SYT9: variants seen among roughly 807,000 people sequenced by gnomAD.
SYT9 encodes synaptotagmin 9.
Under a neutral mutation model 48.4 loss-of-function variants are expected in SYT9, and 22 were observed. The ratio of observed to expected loss-of-function variants is 0.45; its 90% CI spans 0.32 to 0.65. The LOEUF is 0.65. Among genes scored for constraint, SYT9 ranks in the 30% least tolerant of loss-of-function variants. SYT9 has a pLI of 0.03. For synonymous variants in SYT9, 265 were observed against 245.0 expected, an observed-to-expected ratio of 1.08 and a Z score of -0.76; for missense variants, 577 against 622.0, an observed-to-expected ratio of 0.93 and a Z score of 0.77.
chr11:7,302,428 A>T (rs1044217091), intron 1 of SYT9, among the ~76,000 whole-genome samples: 3 of 152,214 alleles, frequency 2.0e-5, no homozygotes, highest in Non-Finnish European at 4.4e-5. Context: ...GGGGAAACCC[A>T]AACTACAATA....
intron 3 of SYT9, among the ~76,000 whole-genome samples, chr11:7,365,384 T>G (rs1850221225): frequency 6.6e-6 from 1 of 152,332 alleles, no homozygotes; most frequent in East Asian, 1.9e-4. Flanking sequence ...AATTTCTTCT[T>G]TTCTGTCTTT....
At chr11:7,454,998 G>A (rs964057275) in intron 6 of SYT9, among the ~76,000 whole-genome samples, 4 of 152,306 alleles carry the variant, frequency 2.6e-5, no homozygotes, top group East Asian at 1.9e-4. Context: ...GAGAGAAAAC[G>A]AATTCAGCTA....
At chr11:7,256,962 C>T (rs143014932) in intron 1 of SYT9, among the ~76,000 whole-genome samples, 16 of 152,220 alleles carry the variant, frequency 1.1e-4, no homozygotes, top group Admixed American at 5.9e-4. Flanking sequence ...ATTAGGAATA[C>T]TTAGGGAGCT....
chr11:7,335,233 GCATCATTTC>G (rs1849613427), intron 3 of SYT9, among the ~76,000 whole-genome samples: 1 of 151,824 alleles, frequency 6.6e-6, no homozygotes, highest in Non-Finnish European at 1.5e-5. Flanking sequence ...ATGAAATTGA[GCATCATTTC>G]ATGTGCTTAT....
chr11:7,309,865 C>T (rs772759782), intron 2 of SYT9, among the ~76,000 whole-genome samples: 2 of 152,110 alleles, frequency 1.3e-5, no homozygotes, highest in African/African-American at 4.8e-5. Context: ...TGCCTCTCCC[C>T]GAACTCCAGT....
At chr11:7,421,070 G>T (rs1030022431) in intron 6 of SYT9, among the ~76,000 whole-genome samples, 1 of 152,148 alleles carries the variant, frequency 6.6e-6, no homozygotes. Context: ...TTAGTATCAG[G>T]TTCAACTACA....
At position 7,424,013 on chromosome 11, in the gene SYT9, C is replaced by T. The variant is rs190626880; in HGVS notation, c.1467+3378C>T. ...AAGACAGAGAGAGAGGGAGAGAGAA[C>T]GAAGATGGGGGCCCTGGGATTTAGC... On this transcript the variant is annotated intron_variant, in intron 6 of 6. Coordinates refer to ENST00000318881, the MANE Select transcript of SYT9 (RefSeq NM_175733.4). 2.8e-3 allele frequency among the ~76,000 whole-genome samples: 422 copies of T among 152,094 alleles called. 5 individuals carry two copies. Among genetic ancestry groups the T allele is most frequent in the African/African-American group, 9.9e-3 (410 of 41,484 alleles).
intron 6 of SYT9, among the ~76,000 whole-genome samples, chr11:7,458,503 T>A (rs1462261845): frequency 6.8e-6 from 1 of 147,468 alleles, no homozygotes; most frequent in Non-Finnish European, 1.5e-5. Flanking sequence ...TTAATTAATT[T>A]AATTTAATAG....
chr11:7,312,210 G>A (rs1187939908), intron 2 of SYT9, among the ~76,000 whole-genome samples: 1 of 152,172 alleles, frequency 6.6e-6, no homozygotes, highest in Non-Finnish European at 1.5e-5. Context: ...AACAATATCT[G>A]TGGTGACAAG....
intron 3 of SYT9, among the ~76,000 whole-genome samples, chr11:7,330,723 T>G (rs1849512591): frequency 6.6e-6 from 1 of 151,922 alleles, no homozygotes; most frequent in Admixed American, 6.6e-5. Flanking sequence ...TGAGATGGAG[T>G]TTCCCTCTTG....
chr11:7,451,361 A>G (rs1234052762), intron 6 of SYT9, among the ~76,000 whole-genome samples: 1 of 152,206 alleles, frequency 6.6e-6, no homozygotes, highest in Non-Finnish European at 1.5e-5. Context: ...TGTTAAGACT[A>G]AATGTTGTAT....
intron 3 of SYT9, among the ~76,000 whole-genome samples, chr11:7,413,427 G>A (rs1022064282): frequency 2.0e-5 from 3 of 152,180 alleles, no homozygotes; most frequent in African/African-American, 7.2e-5. Flanking sequence ...ATACCACTGT[G>A]CAATTTCTAG....
intron 1 of SYT9, among the ~76,000 whole-genome samples, chr11:7,244,059 A>T (rs1338476900): frequency 6.6e-6 from 1 of 152,056 alleles, no homozygotes; most frequent in Non-Finnish European, 1.5e-5. Context: ...TTCTGAAACG[A>T]TGAACAAATG....
chr11:7,275,760 T>C lies in SYT9; in HGVS notation c.145+23429T>C, dbSNP rs376164517. On this transcript the variant is annotated intron_variant, in intron 1 of 6. Transcript: ENST00000318881. ...ATGTGTCCACAACCCAAGTTCATTCTGGCCTTTCCACTTGCTGCTGTTCCT... is the reference window on the plus strand; with the variant it reads ...ATGTGTCCACAACCCAAGTTCATTCCGGCCTTTCCACTTGCTGCTGTTCCT... 5.9e-5 allele frequency among the ~76,000 whole-genome samples: 9 copies of C among 152,318 alleles called. No individual in the cohort carries two copies. The South Asian group carries it at 6.2e-4, about 11-fold the overall frequency.
intron 1 of SYT9, among the ~76,000 whole-genome samples, chr11:7,244,158 C>T (rs776616925): frequency 2.6e-5 from 4 of 152,192 alleles, no homozygotes; most frequent in Non-Finnish European, 5.9e-5. Context: ...CAGTATATTT[C>T]GTATATGGTG....
chr11:7,249,284 T>C (rs1589884507), upstream of SYT9, among the ~76,000 whole-genome samples: 1 of 152,184 alleles, frequency 6.6e-6, no homozygotes, highest in East Asian at 1.9e-4. Context: ...CCTGTAAAAG[T>C]TGCAAGATCT....
Position 7,252,255 on chromosome 11 carries a change from G to A in SYT9, c.69G>A (p.Gly23=). 3 of 1,506,874 alleles carry A rather than the reference G, an allele frequency of 2.0e-6. No individual in the cohort carries two copies. The highest frequency in any genetic ancestry group is 1.3e-5 in the South Asian group (1 of 79,604). 93.3% of individuals were successfully genotyped at this position (1,506,874 alleles called of 1,614,324 possible). A position where few individuals can be genotyped will look rare whatever the true frequency, so the allele number is the denominator to read the frequency against. Residue 23 remains glycine (G), a synonymous_variant, in exon 1 of 7, where the codon GGG becomes GGA. Transcript: ENST00000318881. This position sits in a 1 kb window ranked among gnomAD's most constrained non-coding sequence, Gnocchi z 6.3. The part of the protein sequence containing the change: ...LQLLAELCAR[G]ALEHDSCQDF... Reference sequence around the variant, plus strand: ...TGCTGGCCGAGCTCTGTGCCCGTGGGGCCCTGGAGCACGACAGCTGCCAGG... The same window carrying A: ...TGCTGGCCGAGCTCTGTGCCCGTGGAGCCCTGGAGCACGACAGCTGCCAGG...
chr11:7,270,896 G>A (rs1848284099), intron 1 of SYT9, among the ~76,000 whole-genome samples: 1 of 150,906 alleles, frequency 6.6e-6, no homozygotes, highest in Non-Finnish European at 1.5e-5. Context: ...AGTGTCATCA[G>A]GTGTGGAGAG....
chr11:7,340,405 G>A (rs953034051), intron 3 of SYT9, among the ~76,000 whole-genome samples: 3 of 152,214 alleles, frequency 2.0e-5, no homozygotes, highest in Admixed American at 1.3e-4. Flanking sequence ...TAAAGAACTA[G>A]TGCAGACATT....
Sources: allele counts gnomAD v4.1 joint callset (sites outside exome capture counted in the v4.1 genomes callset), GRCh38; gene constraint gnomAD v4.1.1; non-coding constraint Gnocchi (gnomAD v3.1); transcripts MANE v1.5; gene names NCBI Gene and HGNC (gene_info 2026-07-23, HGNC 2026-07-21).